NCAM2: variants seen among roughly 807,000 people sequenced by gnomAD.
NCAM2 encodes the protein neural cell adhesion molecule 2.
Under a neutral mutation model 98.1 loss-of-function variants are expected in NCAM2, and 30 were observed. The observed-to-expected ratio is 0.31, with a 90% CI of 0.23 to 0.41. The LOEUF (loss-of-function observed/expected upper bound fraction) is 0.41. NCAM2 is among the 10% of genes least tolerant of loss of function. NCAM2 has a pLI of 1.00. For synonymous variants in NCAM2, 368 were observed against 342.4 expected, an observed-to-expected ratio of 1.07 and a Z score of -0.83; for missense variants, 867 against 1,005.8, an observed-to-expected ratio of 0.86 and a Z score of 1.87.
At chr21:21,232,622 T>A (rs908487084) in intron 1 of NCAM2, among the ~76,000 whole-genome samples, 2 of 151,618 alleles carry the variant, frequency 1.3e-5, no homozygotes, top group African/African-American at 4.8e-5. Context: ...AAAAATAACA[T>A]CCATTAATAG....
intron 1 of NCAM2, among the ~76,000 whole-genome samples, chr21:21,138,690 TATAATAA>T (rs1298197881): frequency 6.6e-6 from 1 of 152,164 alleles, no homozygotes; most frequent in Non-Finnish European, 1.5e-5. Context: ...GTGACATATT[TATAATAA>T]ATAATTAGTG....
At chr21:21,265,114 A>AAG (rs2072153590) in intron 1 of NCAM2, among the ~76,000 whole-genome samples, 2 of 45,344 alleles carry the variant, frequency 4.4e-5, no homozygotes, top group African/African-American at 1.4e-4. Flanking sequence ...TAATATATAT[A>AAG]CATACATATA....
intron 1 of NCAM2, among the ~76,000 whole-genome samples, chr21:21,082,324 A>G (rs1247137340): frequency 6.6e-6 from 1 of 150,780 alleles, no homozygotes; most frequent in Non-Finnish European, 1.5e-5. Context: ...TGATTGCAGT[A>G]AGTACAGAAG....
chr21:21,410,144 A>C (rs2076826593), intron 9 of NCAM2, 130 bp from the exon 10 acceptor site: 2 of 595,392 alleles, frequency 3.4e-6, no homozygotes, highest in Admixed American at 8.9e-5. Flanking sequence ...AAAAGAAAAA[A>C]AAAAAATACA....
chr21:21,456,397 G>T, intron 12 of NCAM2, among the ~76,000 whole-genome samples: 1 of 152,064 alleles, frequency 6.6e-6, no homozygotes, highest in South Asian at 2.1e-4. Flanking sequence ...ATTTGCTCCT[G>T]TGAACTATAA....
chr21:21,345,374 CAAG>C (rs1242661655), intron 8 of NCAM2, among the ~76,000 whole-genome samples: 1 of 151,758 alleles, frequency 6.6e-6, no homozygotes, highest in Admixed American at 6.6e-5. Flanking sequence ...TAAAAAAAAT[CAAG>C]ATGACACAGA....
chr21:21,343,121 T>G (rs1208940227), intron 8 of NCAM2, among the ~76,000 whole-genome samples: 1 of 152,212 alleles, frequency 6.6e-6, no homozygotes, highest in African/African-American at 2.4e-5. Flanking sequence ...TATTACTTAT[T>G]TTAAACTAAT....
chr21:21,253,519 C>A (rs368496168), intron 1 of NCAM2, among the ~76,000 whole-genome samples: 2 of 152,196 alleles, frequency 1.3e-5, no homozygotes. Flanking sequence ...TGCGAGGACA[C>A]AGCTAGAAGG....
intron 8 of NCAM2, among the ~76,000 whole-genome samples, chr21:21,368,775 T>C (rs1458277123): frequency 2.0e-5 from 3 of 151,860 alleles, no homozygotes; most frequent in Non-Finnish European, 4.4e-5. Flanking sequence ...TTTCAACATA[T>C]GAACTTTGAG....
intron 12 of NCAM2, among the ~76,000 whole-genome samples, chr21:21,444,094 G>A (rs776684692): frequency 5.9e-5 from 9 of 151,944 alleles, no homozygotes; most frequent in Admixed American, 4.6e-4. Flanking sequence ...TGAGATTATC[G>A]TGGTTTTTGT....
intron 15 of NCAM2, among the ~76,000 whole-genome samples, chr21:21,488,203 A>G (rs1326092566): frequency 6.6e-6 from 1 of 151,852 alleles, no homozygotes; most frequent in African/African-American, 2.4e-5. Context: ...TTTTAAATTA[A>G]CAAAGTTACA....
At chr21:21,488,324 G>A (rs930775675) in intron 15 of NCAM2, among the ~76,000 whole-genome samples, 1 of 151,816 alleles carries the variant, frequency 6.6e-6, no homozygotes, top group African/African-American at 2.4e-5. Flanking sequence ...CATTCATTAT[G>A]TTTGAGTTAA....
intron 1 of NCAM2, among the ~76,000 whole-genome samples, chr21:21,279,382 A>G (rs929371973): frequency 1.3e-5 from 2 of 152,110 alleles, no homozygotes; most frequent in Non-Finnish European, 2.9e-5. Context: ...TTTCTGAGAC[A>G]GAGTTTCACT....
intron 1 of NCAM2, among the ~76,000 whole-genome samples, chr21:21,250,564 T>C (rs961367451): frequency 1.3e-5 from 2 of 152,188 alleles, no homozygotes; most frequent in East Asian, 3.9e-4. Context: ...AGGTAACAAT[T>C]ATTAGTGAAG....
chr21:21,358,913 T>C (rs2147982107), intron 8 of NCAM2, among the ~76,000 whole-genome samples: 1 of 152,122 alleles, frequency 6.6e-6, no homozygotes, highest in African/African-American at 2.4e-5. Flanking sequence ...TCTAATAACA[T>C]TGTATAGTGA....
At chr21:21,536,365 C>T (rs1989981077) in intron 17 of NCAM2, among the ~76,000 whole-genome samples, 1 of 150,944 alleles carries the variant, frequency 6.6e-6, no homozygotes, top group African/African-American at 2.4e-5. Flanking sequence ...GTTAAAGTCA[C>T]AGAGATGGAT....
intron 12 of NCAM2, among the ~76,000 whole-genome samples, chr21:21,444,380 T>C (rs889958169): frequency 1.3e-5 from 2 of 152,208 alleles, no homozygotes; most frequent in African/African-American, 2.4e-5. Flanking sequence ...TCCGTTTCAA[T>C]TGTTTGGAAT....
intron 5 of NCAM2, among the ~76,000 whole-genome samples, chr21:21,296,219 G>T (rs1448098852): frequency 1.3e-5 from 2 of 151,652 alleles, no homozygotes; most frequent in African/African-American, 4.8e-5. Flanking sequence ...GGGGTAGCTG[G>T]ATTCAAAAGC....
At chr21:21,403,450 G>GA (rs1394926633) in intron 9 of NCAM2, among the ~76,000 whole-genome samples, 1 of 152,058 alleles carries the variant, frequency 6.6e-6, no homozygotes, top group East Asian at 1.9e-4. Flanking sequence ...GCTGCAGATG[G>GA]AAAATCTTTA....
Sources: gnomAD v4.1 joint callset for allele counts (sites outside exome capture counted in the v4.1 genomes callset) on GRCh38, gnomAD v4.1.1 for gene constraint, MANE v1.5 for transcripts, NCBI Gene and HGNC (gene_info 2026-07-23, HGNC 2026-07-21) for gene names.